The following RALGAPA1 variants were observed in gnomAD, a reference collection of about 807,000 sequenced individuals.
RALGAPA1 encodes Ral GTPase activating protein catalytic subunit alpha 1.
RALGAPA1 carries 52 observed loss-of-function variants against 269.6 expected under a neutral mutation model. That is an observed-to-expected ratio of 0.19 (90% confidence interval 0.15 to 0.24). The LOEUF is 0.24. Ranked by LOEUF, RALGAPA1 falls within the 10% of genes least tolerant of loss-of-function variation. The probability of loss-of-function intolerance (pLI) is 1.00; values close to 1 mark genes in which losing one functional copy is unlikely to be tolerated. For missense variants in RALGAPA1, 1,917 were observed against 3,013.9 expected, an observed-to-expected ratio of 0.64 and a Z score of 8.52; for synonymous variants, 817 against 1,008.3, an observed-to-expected ratio of 0.81 and a Z score of 3.60.
intron 31 of RALGAPA1, among the ~76,000 whole-genome samples, chr14:35,642,108 G>A (rs1301836938): frequency 1.3e-5 from 2 of 152,208 alleles, no homozygotes; most frequent in East Asian, 3.9e-4. Context: ...AAACGCATTA[G>A]AGACTTAAAT....
intron 37 of RALGAPA1, among the ~76,000 whole-genome samples, chr14:35,578,619 G>C (rs1402149107): frequency 6.6e-6 from 1 of 152,126 alleles, no homozygotes; most frequent in African/African-American, 2.4e-5. Context: ...TTAGCAGAGT[G>C]GGCATTCAAT....
At chr14:35,672,238 T>C (rs2064523575) in intron 25 of RALGAPA1, among the ~76,000 whole-genome samples, 1 of 152,174 alleles carries the variant, frequency 6.6e-6, no homozygotes, top group Non-Finnish European at 1.5e-5. Flanking sequence ...ATATACTCTG[T>C]AAATGACCTA....
intron 39 of RALGAPA1, among the ~76,000 whole-genome samples, chr14:35,549,560 G>C (rs539679725): frequency 3.3e-5 from 5 of 152,158 alleles, no homozygotes; most frequent in South Asian, 2.1e-4. Flanking sequence ...CAGGAGTCTA[G>C]GCTGAAATTT....
chr14:35,557,435 TTTTA>T (rs1363315757), intron 39 of RALGAPA1, among the ~76,000 whole-genome samples: 1 of 152,064 alleles, frequency 6.6e-6, no homozygotes, highest in Non-Finnish European at 1.5e-5. Flanking sequence ...AAAAAAGTGA[TTTTA>T]TTATCATAGT....
intron 24 of RALGAPA1, among the ~76,000 whole-genome samples, chr14:35,673,783 T>C (rs1029045388): frequency 1.1e-4 from 16 of 152,054 alleles, no homozygotes; most frequent in African/African-American, 3.9e-4. Context: ...GGTTTCACCA[T>C]GTTGGCCAGG....
In RALGAPA1 at chr14:35,738,561, T is replaced by C; in HGVS notation, c.1539A>G (p.Glu513=). The part of the protein sequence containing the change: ...SYQGALHNAS[E]EATEQNIRAG... ...CTCGTATGTTTTGTTCTGTGGCTTC[T>C]TCAGAGGCGTTATGAAGAGCACCTT... The change falls in exon 12 of 42, where the codon GAA becomes GAG. Residue 513 remains glutamate, a synonymous_variant. Transcript: ENST00000680220. 6.2e-7 allele frequency: 1 copy of C among 1,613,456 alleles called. No individual in the cohort carries two copies. Among genetic ancestry groups the C allele is most frequent in the Non-Finnish European group, 8.5e-7 (1 of 1,179,766 alleles).
At chr14:35,714,343 T>A (rs1292262228) in intron 16 of RALGAPA1, among the ~76,000 whole-genome samples, 1 of 152,196 alleles carries the variant, frequency 6.6e-6, no homozygotes, top group Non-Finnish European at 1.5e-5. Context: ...GTGGGTGTAA[T>A]GTGGCATCTT....
chr14:35,577,585 G>A (rs539536262), intron 37 of RALGAPA1, among the ~76,000 whole-genome samples: 2 of 152,216 alleles, frequency 1.3e-5, no homozygotes, highest in South Asian at 4.2e-4. Context: ...TCAGTCTATG[G>A]TATTTTTGTT....
At chr14:35,753,349 A>G (rs147136967) in intron 7 of RALGAPA1, among the ~76,000 whole-genome samples, 3 of 152,262 alleles carry the variant, frequency 2.0e-5, no homozygotes, top group Middle Eastern at 3.4e-3. Flanking sequence ...GAGGGGAGAA[A>G]GCTTTTTCCT....
intron 1 of RALGAPA1, among the ~76,000 whole-genome samples, chr14:35,807,198 G>A (rs2077439051): frequency 6.6e-6 from 1 of 152,142 alleles, no homozygotes; most frequent in Admixed American, 6.5e-5. Context: ...TAGGTGTCAA[G>A]CTCCATTAAG....
At chr14:35,650,863 T>C (rs2062781557) in intron 31 of RALGAPA1, among the ~76,000 whole-genome samples, 1 of 152,122 alleles carries the variant, frequency 6.6e-6, no homozygotes, top group Non-Finnish European at 1.5e-5. Context: ...TTGTGCCTTG[T>C]CTAACAGAAC....
intron 20 of RALGAPA1, among the ~76,000 whole-genome samples, chr14:35,684,648 C>A (rs2065760534): frequency 6.6e-6 from 1 of 152,114 alleles, no homozygotes; most frequent in African/African-American, 2.4e-5. Flanking sequence ...TGAAATTTCA[C>A]TGAAAATTGA....
At chr14:35,791,235 G>A (rs1310326397) in intron 1 of RALGAPA1, among the ~76,000 whole-genome samples, 3 of 152,148 alleles carry the variant, frequency 2.0e-5, no homozygotes, top group Admixed American at 6.5e-5. Context: ...ATTAGAGCAC[G>A]GATACAAGGA....
chr14:35,595,186 G>A (rs1175234738), intron 37 of RALGAPA1, among the ~76,000 whole-genome samples: 1 of 151,382 alleles, frequency 6.6e-6, no homozygotes, highest in African/African-American at 2.4e-5. Context: ...GAGCTCAAAG[G>A]ATACAAAGTA....
At chr14:35,766,397 G>A (rs2074152405) in intron 4 of RALGAPA1, 21 of 1,556,500 alleles carry the variant, frequency 1.3e-5, no homozygotes, top group Non-Finnish European at 1.8e-5. Context: ...ATCTTGTACT[G>A]GAATTATCAA....
chr14:35,752,717 G>C (rs2072833813), intron 7 of RALGAPA1, among the ~76,000 whole-genome samples: 1 of 152,080 alleles, frequency 6.6e-6, no homozygotes, highest in Admixed American at 6.6e-5. Flanking sequence ...AGGTGACGAA[G>C]ACATCCAAGC....
intron 36 of RALGAPA1, among the ~76,000 whole-genome samples, chr14:35,596,706 C>G (rs2058951552): frequency 6.6e-6 from 1 of 152,012 alleles, no homozygotes; most frequent in Non-Finnish European, 1.5e-5. Flanking sequence ...ATTTTTAACT[C>G]AGTAATACAT....
intron 31 of RALGAPA1, among the ~76,000 whole-genome samples, chr14:35,645,346 GGTGTGTGTGTGTGTGTGT>G (rs58039867): frequency 2.7e-4 from 35 of 129,562 alleles, no homozygotes; most frequent in Admixed American, 1.8e-3. Context: ...TATAGAGATG[GGTGTGTGTGTGTGTGTGT>G]GTGTGTGTGT....
In RALGAPA1 at chr14:35,634,730, G is replaced by C; in HGVS notation, c.5839C>G (p.Gln1947Glu). The C allele has an allele frequency of 1.2e-6, 2 of 1,610,914 alleles. No homozygotes were observed. Among genetic ancestry groups the C allele is most frequent in the Non-Finnish European group, 1.7e-6 (2 of 1,178,212 alleles). Residue 1947 changes from glutamine (Q) to glutamate (E), a missense_variant, in exon 33 of 42, where the codon CAG becomes GAG. Physicochemically the swap from Gln to Glu is conservative, Grantham distance 29 (BLOSUM62 2). Coordinates refer to ENST00000680220, the MANE Select transcript of RALGAPA1 (RefSeq NM_001346249.2). ...KVLHGCVYGA[Q>E]CFSNPRYFPM... ...AAATACCTTGGATTGCTAAAACACTGAGCTCCATAAACACACCCATGTAAA... is the reference window on the plus strand; with the variant it reads ...AAATACCTTGGATTGCTAAAACACTCAGCTCCATAAACACACCCATGTAAA...
Sources: gnomAD v4.1 joint callset for allele counts (sites outside exome capture counted in the v4.1 genomes callset) on GRCh38, gnomAD v4.1.1 for gene constraint, MANE v1.5 for transcripts, NCBI Gene and HGNC (gene_info 2026-07-23, HGNC 2026-07-21) for gene names.